SLF1: variants seen among roughly 807,000 people sequenced by gnomAD.
SLF1 encodes the protein SMC5-SMC6 complex localization factor protein 1.
SLF1 carries 105 observed loss-of-function variants against 123.0 expected under a neutral mutation model. The ratio of observed to expected loss-of-function variants is 0.85; its 90% CI spans 0.73 to 1.00. The LOEUF (loss-of-function observed/expected upper bound fraction) is 1.00, where lower values mean the gene tolerates loss of function less well. SLF1 is among the 50% of genes least tolerant of loss of function. The pLI is 0.00. For synonymous variants in SLF1, 434 were observed against 406.6 expected, an observed-to-expected ratio of 1.07 and a Z score of -0.81; for missense variants, 1,239 against 1,223.0, an observed-to-expected ratio of 1.01 and a Z score of -0.20.
At chr5:94,621,492 G>A (rs1791782185) in intron 1 of SLF1, among the ~76,000 whole-genome samples, 1 of 152,130 alleles carries the variant, frequency 6.6e-6, no homozygotes, top group South Asian at 2.1e-4. Context: ...TAGACGTATG[G>A]TCTTCCTTCT....
chr5:94,628,269 C>T (rs1353336786), intron 1 of SLF1, among the ~76,000 whole-genome samples: 1 of 152,072 alleles, frequency 6.6e-6, no homozygotes, highest in Non-Finnish European at 1.5e-5. Flanking sequence ...TCTCAGCCTC[C>T]TGAGTATTAC....
At chr5:94,674,100 A>T (rs1174360396) in intron 14 of SLF1, among the ~76,000 whole-genome samples, 1 of 152,098 alleles carries the variant, frequency 6.6e-6, no homozygotes, top group Non-Finnish European at 1.5e-5. Flanking sequence ...CTGTCTTTTT[A>T]TTTACTTTTT....
chr5:94,651,485 A>G (rs150663428), intron 6 of SLF1, among the ~76,000 whole-genome samples: 359 of 152,352 alleles, frequency 2.4e-3, no homozygotes, highest in African/African-American at 8.4e-3. Flanking sequence ...AAACTAAAGC[A>G]TATATGTTAA....
At chr5:94,680,108 C>T (rs929779619) in intron 15 of SLF1, among the ~76,000 whole-genome samples, 1 of 152,012 alleles carries the variant, frequency 6.6e-6, no homozygotes, top group African/African-American at 2.4e-5. Flanking sequence ...TTCAGTGTAT[C>T]TTGATTTTAT....
intron 17 of SLF1, 71 bp downstream of exon 17, chr5:94,688,740 C>A (rs1585239729): frequency 6.6e-7 from 1 of 1,523,004 alleles, no homozygotes; most frequent in African/African-American, 1.4e-5. Flanking sequence ...ATTTCTTGAA[C>A]TTAATGGTTA....
chr5:94,677,665 C>CAACA (rs1751246089), intron 14 of SLF1, among the ~76,000 whole-genome samples: 1 of 152,044 alleles, frequency 6.6e-6, no homozygotes, highest in Non-Finnish European at 1.5e-5. Context: ...CATGCCTAGA[C>CAACA]AACAAATAAC....
At chr5:94,687,771 A>G (rs1308711924) in intron 16 of SLF1, among the ~76,000 whole-genome samples, 1 of 152,190 alleles carries the variant, frequency 6.6e-6, no homozygotes, top group Non-Finnish European at 1.5e-5. Context: ...AGCGTAGCCA[A>G]GGGTTGATCA....
At chr5:94,683,922 G>A (rs1419517494) in intron 15 of SLF1, among the ~76,000 whole-genome samples, 1 of 152,102 alleles carries the variant, frequency 6.6e-6, no homozygotes, top group Non-Finnish European at 1.5e-5. Flanking sequence ...ATACTGTAAG[G>A]ACTACAAGTA....
chr5:94,684,628 G>T (rs1446337609), intron 15 of SLF1, among the ~76,000 whole-genome samples: 2 of 147,530 alleles, frequency 1.4e-5, no homozygotes, highest in Non-Finnish European at 3.0e-5. Context: ...AACCCGGGAG[G>T]CAGAGGTTGC....
chr5:94,675,337 T>A (rs1750926473), intron 14 of SLF1, among the ~76,000 whole-genome samples: 1 of 152,262 alleles, frequency 6.6e-6, no homozygotes, highest in African/African-American at 2.4e-5. Context: ...GCAAATCTTG[T>A]CAACCTTTTA....
rs1160567725 is a variant in SLF1, at chr5:94,692,106, T to G, written c.2545T>G (p.Cys849Gly). 1.2e-6 allele frequency: 2 copies of G among 1,613,724 alleles called. No homozygotes were observed. Among genetic ancestry groups the G allele is most frequent in the Admixed American group, 3.3e-5 (2 of 59,962 alleles). ...NAGWTPLHEA[C>G]NYGNTVCVQE... ...TGGCTGGACGCCTTTGCATGAAGCC[T>G]GTAACTATGGCAACACAGTGTGTGT... Residue 849 changes from cysteine (C) to glycine (G), a missense_variant, in exon 20 of 21, where the codon TGT becomes GGT. Coordinates refer to ENST00000265140, the MANE Select transcript of SLF1 (RefSeq NM_032290.4).
At chr5:94,654,943 G>A (rs1251312438) in intron 9 of SLF1, among the ~76,000 whole-genome samples, 191 bp downstream of exon 9, 3 of 152,074 alleles carry the variant, frequency 2.0e-5, no homozygotes, top group African/African-American at 7.2e-5. Flanking sequence ...TGAATTCTGT[G>A]CTATTTATAC....
chr5:94,637,754 G>A (rs1357277824), intron 4 of SLF1, among the ~76,000 whole-genome samples: 1 of 152,092 alleles, frequency 6.6e-6, no homozygotes, highest in Non-Finnish European at 1.5e-5. Flanking sequence ...CTTTGGATGT[G>A]TGTTAAGGCT....
At chr5:94,626,429 C>CT (rs1792253460) in intron 1 of SLF1, among the ~76,000 whole-genome samples, 1 of 151,996 alleles carries the variant, frequency 6.6e-6, no homozygotes, top group African/African-American at 2.4e-5. Context: ...ATCCCTGTAA[C>CT]TTTTTTTAAA....
chr5:94,692,040 G>T (rs1753101836), intron 19 of SLF1, 34 bp from the exon 20 acceptor site: 1 of 1,603,582 alleles, frequency 6.2e-7, no homozygotes, highest in Admixed American at 1.7e-5. Context: ...TCCTACTTCT[G>T]CTGTTTTAAA....
chr5:94,646,641 C>A (rs1195447688), intron 5 of SLF1, among the ~76,000 whole-genome samples: 1 of 152,102 alleles, frequency 6.6e-6, no homozygotes, highest in Non-Finnish European at 1.5e-5. Flanking sequence ...CTTATCTTGA[C>A]TACTTAAGAA....
At chr5:94,662,424 A>T in intron 10 of SLF1, 73 bp downstream of exon 10, 2 of 1,307,336 alleles carry the variant, frequency 1.5e-6, no homozygotes, top group Non-Finnish European at 2.1e-6. Context: ...GTTATTTTGA[A>T]TAAAAGTAAT....
intron 11 of SLF1, 137 bp from the exon 12 acceptor site, chr5:94,665,724 G>T (rs1749675059): frequency 2.6e-6 from 2 of 777,140 alleles, no homozygotes. Flanking sequence ...CTGCACTCCA[G>T]CCTGGGTGAC....
chr5:94,669,227 A>C (rs1320404018), intron 12 of SLF1, among the ~76,000 whole-genome samples: 1 of 152,180 alleles, frequency 6.6e-6, no homozygotes, highest in Non-Finnish European at 1.5e-5. Context: ...GACAGTTTTC[A>C]GAAAGACTGA....
Sources: gnomAD v4.1 joint callset for allele counts (sites outside exome capture counted in the v4.1 genomes callset) on GRCh38, gnomAD v4.1.1 for gene constraint, MANE v1.5 for transcripts, NCBI Gene and HGNC (gene_info 2026-07-23, HGNC 2026-07-21) for gene names.